Variants in CACNB2 observed in about 807,000 individuals in gnomAD.
CACNB2 encodes voltage-dependent L-type calcium channel subunit beta-2.
In CACNB2, 42 loss-of-function variants were observed where a neutral mutation model predicts 73.3. The observed-to-expected ratio is 0.57, with a 90% CI of 0.45 to 0.74. The LOEUF is 0.74. Among genes scored for constraint, CACNB2 ranks in the 30% least tolerant of loss-of-function variants. The pLI is 0.00. For missense variants in CACNB2, 940 were observed against 853.0 expected (o/e 1.10, Z -1.27); for synonymous variants, 348 against 310.3 (o/e 1.12, Z -1.28).
intron 2 of CACNB2, among the ~76,000 whole-genome samples, chr10:18,195,679 G>A (rs2034593010): frequency 6.6e-6 from 1 of 152,250 alleles, no homozygotes; most frequent in South Asian, 2.1e-4. Flanking sequence ...ACCAGGCAGA[G>A]ATGGCTCTTT....
At chr10:18,416,743 T>G (rs1243633518) in intron 3 of CACNB2, among the ~76,000 whole-genome samples, 1 of 152,214 alleles carries the variant, frequency 6.6e-6, no homozygotes, top group African/African-American at 2.4e-5. Context: ...GCAGGAACTA[T>G]AGCGTATGTT....
At chr10:18,246,028 C>T (rs369881084) in intron 2 of CACNB2, among the ~76,000 whole-genome samples, 2 of 152,194 alleles carry the variant, frequency 1.3e-5, no homozygotes, top group African/African-American at 2.4e-5. Flanking sequence ...TCCTGGAACC[C>T]GGAGAACAGC....
intron 2 of CACNB2, among the ~76,000 whole-genome samples, chr10:18,399,364 T>G (rs1945738014): frequency 6.6e-6 from 1 of 152,132 alleles, no homozygotes; most frequent in African/African-American, 2.4e-5. Flanking sequence ...CCCCATGCAT[T>G]TTACAGTCAC....
chr10:18,454,168 G>T (rs375968798), intron 3 of CACNB2, among the ~76,000 whole-genome samples: 3 of 152,194 alleles, frequency 2.0e-5, no homozygotes, highest in African/African-American at 7.2e-5. Flanking sequence ...GCTTTGATGG[G>T]AGAAGGGTTC....
At chr10:18,410,858 T>C (rs1288589350) in intron 3 of CACNB2, among the ~76,000 whole-genome samples, 1 of 152,084 alleles carries the variant, frequency 6.6e-6, no homozygotes, top group African/African-American at 2.4e-5. Context: ...TGGGCACCTG[T>C]AATCCCAACT....
intron 6 of CACNB2, among the ~76,000 whole-genome samples, chr10:18,511,558 G>A (rs1390663178): frequency 6.6e-6 from 1 of 152,192 alleles, no homozygotes; most frequent in Admixed American, 6.5e-5. Context: ...ATTTCAAACT[G>A]GTAATTTGTT....
chr10:18,365,860 G>A (rs143572738), intron 2 of CACNB2, among the ~76,000 whole-genome samples: 3 of 152,106 alleles, frequency 2.0e-5, no homozygotes, highest in East Asian at 3.8e-4. Context: ...CTCAGATCAA[G>A]AAAGAAAAGA....
intron 2 of CACNB2, among the ~76,000 whole-genome samples, chr10:18,158,165 T>A (rs889950647): frequency 1.3e-5 from 2 of 152,216 alleles, no homozygotes; most frequent in Non-Finnish European, 2.9e-5. Flanking sequence ...TCACCTGTTT[T>A]GAGGTTTGGC....
intron 3 of CACNB2, among the ~76,000 whole-genome samples, chr10:18,404,464 T>G (rs2044174263): frequency 6.6e-6 from 1 of 152,318 alleles, no homozygotes; most frequent in African/African-American, 2.4e-5. Flanking sequence ...GCTTAAAGTT[T>G]AAAAACATAA....
At chr10:18,256,066 A>C (rs570376168) in intron 2 of CACNB2, among the ~76,000 whole-genome samples, 1 of 152,322 alleles carries the variant, frequency 6.6e-6, no homozygotes, top group South Asian at 2.1e-4. Context: ...GGATTTAAAA[A>C]CATATATCTT....
chr10:18,382,366 C>A (rs2043055382), intron 2 of CACNB2, among the ~76,000 whole-genome samples: 1 of 150,786 alleles, frequency 6.6e-6, no homozygotes. Context: ...AGCTCAGTGC[C>A]TCTTTTTTTA....
intron 3 of CACNB2, among the ~76,000 whole-genome samples, chr10:18,456,429 A>C (rs1005306731): frequency 6.6e-6 from 1 of 151,902 alleles, no homozygotes; most frequent in Admixed American, 6.6e-5. Flanking sequence ...CACCCACTAC[A>C]CTCCAGCCTG....
intron 2 of CACNB2, among the ~76,000 whole-genome samples, chr10:18,339,694 T>C (rs2132063477): frequency 6.6e-6 from 1 of 152,332 alleles, no homozygotes; most frequent in East Asian, 1.9e-4. Flanking sequence ...AAAGCAGCCA[T>C]GGAGCATACG....
intron 3 of CACNB2, among the ~76,000 whole-genome samples, chr10:18,487,478 A>G (rs961862637): frequency 1.3e-5 from 2 of 152,136 alleles, no homozygotes; most frequent in African/African-American, 4.8e-5. Flanking sequence ...ATAGTGCTGG[A>G]GTCAGGGTGG....
chr10:18,373,054 G>A (rs766906209), intron 2 of CACNB2, among the ~76,000 whole-genome samples: 4 of 151,758 alleles, frequency 2.6e-5, no homozygotes, highest in Non-Finnish European at 4.4e-5. Flanking sequence ...GGCCTCAAGC[G>A]ATTCTCCCAC....
At chr10:18,442,449 C>T (rs901841116) in intron 3 of CACNB2, among the ~76,000 whole-genome samples, 6 of 151,984 alleles carry the variant, frequency 3.9e-5, no homozygotes, top group Admixed American at 1.3e-4. Flanking sequence ...CACGCCTGGC[C>T]GAATCTGGTT....
chr10:18,283,498 G>T lies in CACNB2; in HGVS notation c.214-118426G>T, dbSNP rs1221656983. On this transcript the variant is annotated intron_variant, in intron 2 of 13. Transcript: ENST00000324631. ...TGGAACACTATGCAGCCATAAAAAAGGATGAGTTCATGTCCTTTGTAGGGA... is the reference window on the plus strand; with the variant it reads ...TGGAACACTATGCAGCCATAAAAAATGATGAGTTCATGTCCTTTGTAGGGA... Among the ~76,000 whole-genome samples, 6 of 152,160 alleles carry T rather than the reference G, an allele frequency of 3.9e-5. No individual in the cohort carries two copies. The East Asian group carries it at 5.8e-4, about 15-fold the overall frequency.
chr10:18,290,049 A>G (rs1009924155), intron 2 of CACNB2, among the ~76,000 whole-genome samples: 8 of 146,222 alleles, frequency 5.5e-5, no homozygotes, highest in Admixed American at 1.4e-4. Flanking sequence ...CTTTTTTGAG[A>G]GGTATATGAC....
Position 18,542,880 on chromosome 10 carries a change from G to A in CACNB2, c.*3156G>A, listed in dbSNP as rs1049468082. 3 of 123,822 alleles carry A rather than the reference G, an allele frequency of 2.4e-5. No homozygotes were observed. Among genetic ancestry groups the A allele is most frequent in the Non-Finnish European group, 5.0e-5 (3 of 59,456 alleles). 7.7% of individuals were successfully genotyped at this position (123,822 alleles called of 1,614,324 possible). ...GAAAATGCTGGAAATGTATTTAATA[G>A]TTTTTTTTTTTTTTTTTTTTGGTCA... On this transcript the variant is annotated 3_prime_UTR_variant, in exon 14 of 14. Coordinates refer to ENST00000324631, the MANE Select transcript of CACNB2 (RefSeq NM_201596.3).
Sources: allele counts gnomAD v4.1 joint callset (sites outside exome capture counted in the v4.1 genomes callset), GRCh38; gene constraint gnomAD v4.1.1; transcripts MANE v1.5; gene names NCBI Gene and HGNC (gene_info 2026-07-23, HGNC 2026-07-21).